Variants in PRELID2 observed in about 807,000 individuals in gnomAD.
The protein encoded by PRELID2 is PRELI domain-containing protein 2.
PRELID2 carries 25 observed loss-of-function variants against 28.4 expected under a neutral mutation model. The ratio of observed to expected loss-of-function variants is 0.88; its 90% CI spans 0.64 to 1.23. The LOEUF is 1.23. Ranked by LOEUF, PRELID2 falls within the 50% of genes most tolerant of loss-of-function variation. PRELID2 has a pLI of 0.00. For missense variants in PRELID2, 201 were observed against 214.4 expected, an observed-to-expected ratio of 0.94 and a Z score of 0.39; for synonymous variants, 76 against 71.6, an observed-to-expected ratio of 1.06 and a Z score of -0.31.
At chr5:145,351,068 T>C in the PRELID2 span, among the ~76,000 whole-genome samples, 2 of 152,242 alleles carry the variant, frequency 1.3e-5, no homozygotes, top group East Asian at 1.9e-4. Context: ...ATACCACAAC[T>C]TACAAAAGAG....
chr5:145,315,144 A>C, the PRELID2 span, among the ~76,000 whole-genome samples: 1 of 138,404 alleles, frequency 7.2e-6, no homozygotes, highest in Non-Finnish European at 1.5e-5. Context: ...ATCTCAGCTC[A>C]CTGCAACCTC....
chr5:145,353,410 C>A, the PRELID2 span, among the ~76,000 whole-genome samples: 1 of 151,838 alleles, frequency 6.6e-6, no homozygotes, highest in Admixed American at 6.6e-5. Flanking sequence ...TTGCAGTGAG[C>A]CAAGATTGTG....
the PRELID2 span, among the ~76,000 whole-genome samples, chr5:145,340,563 T>C: frequency 6.6e-6 from 1 of 150,784 alleles, no homozygotes; most frequent in African/African-American, 2.4e-5. Flanking sequence ...AGCCCAGGAG[T>C]TCAAGATCAG....
the PRELID2 span, among the ~76,000 whole-genome samples, chr5:145,431,915 C>CAAGA: frequency 5.3e-5 from 8 of 151,822 alleles, no homozygotes. Flanking sequence ...TTTCTGGTAG[C>CAAGA]AAGAAAAGTA....
At chr5:145,613,744 T>C (rs192501222) in intron 1 of PRELID2, among the ~76,000 whole-genome samples, 22 of 152,260 alleles carry the variant, frequency 1.4e-4, no homozygotes, top group Middle Eastern at 3.4e-3. Flanking sequence ...GATGTATATA[T>C]TATAAAGATT....
chr5:145,699,637 T>C (rs1453892499), intron 1 of PRELID2, among the ~76,000 whole-genome samples: 1 of 152,162 alleles, frequency 6.6e-6, no homozygotes, highest in Non-Finnish European at 1.5e-5. Context: ...GGGGTATTTT[T>C]AAAAGAAACT....
At chr5:145,624,872 C>T (rs1386232659) in intron 1 of PRELID2, among the ~76,000 whole-genome samples, 2 of 151,944 alleles carry the variant, frequency 1.3e-5, no homozygotes, top group Non-Finnish European at 2.9e-5. Flanking sequence ...CCAAAGAGCT[C>T]CTATAAATCA....
chr5:145,422,897 T>C, the PRELID2 span, among the ~76,000 whole-genome samples: 2 of 152,126 alleles, frequency 1.3e-5, no homozygotes, highest in Non-Finnish European at 1.5e-5. Context: ...CCATGTTTAG[T>C]GCTTCCTTCA....
At chr5:145,282,465 A>G in the PRELID2 span, among the ~76,000 whole-genome samples, 5 of 151,728 alleles carry the variant, frequency 3.3e-5, no homozygotes, top group Non-Finnish European at 7.4e-5. Context: ...TTAACCAAAG[A>G]TACAGAAGCC....
At chr5:145,454,257 T>A in the PRELID2 span, among the ~76,000 whole-genome samples, 1 of 152,138 alleles carries the variant, frequency 6.6e-6, no homozygotes, top group African/African-American at 2.4e-5. Context: ...TCTCAATAAA[T>A]TAGGTATTGA....
At chr5:145,829,688 C>T (rs934657863) in intron 1 of PRELID2, among the ~76,000 whole-genome samples, 3 of 152,166 alleles carry the variant, frequency 2.0e-5, no homozygotes, top group African/African-American at 7.2e-5. Flanking sequence ...CCACATTCTG[C>T]ACATCTGCAC....
At chr5:145,768,913 A>G (rs1406071736) in intron 5 of PRELID2, among the ~76,000 whole-genome samples, 1 of 152,054 alleles carries the variant, frequency 6.6e-6, no homozygotes, top group Non-Finnish European at 1.5e-5. Flanking sequence ...AGGGAGAGAG[A>G]GGCCTATAAA....
intron 1 of PRELID2, among the ~76,000 whole-genome samples, chr5:145,548,771 T>A (rs1237761439): frequency 6.6e-6 from 1 of 152,192 alleles, no homozygotes; most frequent in Non-Finnish European, 1.5e-5. Context: ...CTCTCCTCAG[T>A]GGGGAAGTCA....
At chr5:145,498,675 T>C (rs1752328602) in intron 1 of PRELID2, among the ~76,000 whole-genome samples, 2 of 152,084 alleles carry the variant, frequency 1.3e-5, no homozygotes, top group South Asian at 2.1e-4. Flanking sequence ...ACTAGAGGCA[T>C]GCACCACCAT....
intron 1 of PRELID2, chr5:145,728,429 G>A (rs1756238598): frequency 7.1e-6 from 4 of 562,202 alleles, no homozygotes; most frequent in East Asian, 3.2e-5. Context: ...TTCAGCAAGA[G>A]ACAAAACAGG....
the PRELID2 span, among the ~76,000 whole-genome samples, chr5:145,439,370 C>T: frequency 6.6e-6 from 1 of 152,060 alleles, no homozygotes. Flanking sequence ...GGGTCATGTT[C>T]TCTAAATCTA....
chr5:145,657,157 A>G (rs1754410115), intron 1 of PRELID2, among the ~76,000 whole-genome samples: 1 of 152,230 alleles, frequency 6.6e-6, no homozygotes, highest in Non-Finnish European at 1.5e-5. Flanking sequence ...ACAGATAATA[A>G]TAATAATAGC....
rs560925188 is a variant in PRELID2, at chr5:145,778,017, C to T, written c.475-13017G>A. ...TCCTCGATGAAGCCCCATCTTCAGGCCAGGGAGGGCCTGAAGGCTGGGGGC... is the reference window on the plus strand; with the variant it reads ...TCCTCGATGAAGCCCCATCTTCAGGTCAGGGAGGGCCTGAAGGCTGGGGGC... On this transcript the variant is annotated intron_variant, in intron 5 of 6. Coordinates refer to ENST00000683046, the MANE Select transcript of PRELID2 (RefSeq NM_205846.3). Among the ~76,000 whole-genome samples, 230 of 152,298 alleles carry T rather than the reference C, an allele frequency of 1.5e-3. 1 individual carries two copies. The highest frequency in any genetic ancestry group is 2.7e-3 in the Non-Finnish European group (182 of 68,000).
chr5:145,259,688 T>C, the PRELID2 span, among the ~76,000 whole-genome samples: 2 of 152,208 alleles, frequency 1.3e-5, no homozygotes, highest in Admixed American at 6.5e-5. Flanking sequence ...AACTTGTTTT[T>C]GCTTTTACAG....
Sources: gnomAD v4.1 joint callset for allele counts (sites outside exome capture counted in the v4.1 genomes callset) on GRCh38, gnomAD v4.1.1 for gene constraint, MANE v1.5 for transcripts, NCBI Gene and HGNC (gene_info 2026-07-23, HGNC 2026-07-21) for gene names.